The following EGFLAM variants were observed in gnomAD, a reference collection of about 807,000 sequenced individuals.
The protein encoded by EGFLAM is pikachurin.
EGFLAM carries 79 observed loss-of-function variants against 113.1 expected under a neutral mutation model. The observed-to-expected ratio is 0.70, with a 90% CI of 0.58 to 0.84. The LOEUF (loss-of-function observed/expected upper bound fraction) is 0.84. EGFLAM is among the 40% of genes least tolerant of loss of function. The pLI is 0.00. For synonymous variants in EGFLAM, 504 were observed against 487.6 expected (o/e 1.03, Z -0.44); for missense variants, 1,265 against 1,291.6 (o/e 0.98, Z 0.32).
intron 11 of EGFLAM, among the ~76,000 whole-genome samples, chr5:38,414,711 G>A (rs1003687309): frequency 3.9e-5 from 6 of 152,180 alleles, no homozygotes; most frequent in African/African-American, 1.4e-4. Context: ...ATTGATTGAA[G>A]GAGCAATGTT....
intron 6 of EGFLAM, among the ~76,000 whole-genome samples, chr5:38,397,045 T>G (rs1021111785): frequency 6.6e-6 from 1 of 152,218 alleles, no homozygotes; most frequent in African/African-American, 2.4e-5. Flanking sequence ...TGTGTGGATG[T>G]GCATAAAGAT....
chr5:38,287,809 G>T (rs1183257860), intron 1 of EGFLAM, among the ~76,000 whole-genome samples: 1 of 152,174 alleles, frequency 6.6e-6, no homozygotes, highest in Non-Finnish European at 1.5e-5. Flanking sequence ...TGCCCTAAGT[G>T]GGGCAATGAC....
intron 1 of EGFLAM, among the ~76,000 whole-genome samples, chr5:38,275,796 C>T (rs1437978495): frequency 6.6e-6 from 1 of 152,110 alleles, no homozygotes; most frequent in Non-Finnish European, 1.5e-5. Context: ...GAACATTCTT[C>T]AGGATACATT....
chr5:38,459,736 C>T (rs2112289986), intron 20 of EGFLAM, among the ~76,000 whole-genome samples: 1 of 151,776 alleles, frequency 6.6e-6, no homozygotes, highest in African/African-American at 2.4e-5. Context: ...GAGAGACTTG[C>T]TGGGCCCCCA....
chr5:38,264,122 C>T (rs956217601), intron 1 of EGFLAM, among the ~76,000 whole-genome samples: 2 of 152,188 alleles, frequency 1.3e-5, no homozygotes, highest in Non-Finnish European at 2.9e-5. Flanking sequence ...CCTGGGGTTG[C>T]TCTTTGTTTA....
At chr5:38,443,188 C>T (rs376729381) in intron 17 of EGFLAM, among the ~76,000 whole-genome samples, 1 of 152,288 alleles carries the variant, frequency 6.6e-6, no homozygotes, top group South Asian at 2.1e-4. Flanking sequence ...ATCACTTAAA[C>T]CCGGGAGGCA....
chr5:38,360,296 C>G (rs1424133012), intron 5 of EGFLAM, among the ~76,000 whole-genome samples: 1 of 152,112 alleles, frequency 6.6e-6, no homozygotes, highest in African/African-American at 2.4e-5. Context: ...AGGCTTATAC[C>G]CTGATTCATA....
At chr5:38,259,644 A>T (rs886905522) in intron 1 of EGFLAM, among the ~76,000 whole-genome samples, 1 of 152,238 alleles carries the variant, frequency 6.6e-6, no homozygotes, top group African/African-American at 2.4e-5. Context: ...CCAAATAACG[A>T]TTTTTATTAC....
At chr5:38,348,320 C>T (rs1444033513) in intron 3 of EGFLAM, among the ~76,000 whole-genome samples, 5 of 151,642 alleles carry the variant, frequency 3.3e-5, no homozygotes, top group Admixed American at 1.3e-4. Flanking sequence ...AGCAAGACTA[C>T]GAGGGAGAAG....
intron 1 of EGFLAM, among the ~76,000 whole-genome samples, chr5:38,316,076 C>CAAA (rs199596625): frequency 0.17 from 20,833 of 125,050 alleles, 1,757 homozygotes; most frequent in African/African-American, 0.22. Context: ...GACTCTGTCC[C>CAAA]AAAAAAAAAA....
chr5:38,424,684 G>A (rs1358598882), intron 12 of EGFLAM, among the ~76,000 whole-genome samples: 1 of 152,174 alleles, frequency 6.6e-6, no homozygotes, highest in African/African-American at 2.4e-5. Context: ...CCAGTTAGTG[G>A]TCATAAAATT....
chr5:38,445,595 G>A lies in EGFLAM; in HGVS notation c.2465-2706G>A, dbSNP rs1579942307. 5 of 1,597,888 alleles carry A rather than the reference G, an allele frequency of 3.1e-6. No individual in the cohort carries two copies. In the East Asian group the frequency reaches 6.7e-5, roughly 21 times the overall value. On this transcript the variant is annotated intron_variant, in intron 17 of 21. Coordinates refer to ENST00000322350, the MANE Select transcript of EGFLAM (RefSeq NM_152403.4). ...GAGAGAAACAAGGCTGGCTTCAAGT[G>A]ATCTGCAACCAGAGTAATTGGGATT...
intron 1 of EGFLAM, among the ~76,000 whole-genome samples, chr5:38,300,675 A>G (rs975191957): frequency 6.6e-6 from 1 of 152,114 alleles, no homozygotes; most frequent in African/African-American, 2.4e-5. Flanking sequence ...GCGCCCGGCC[A>G]TATTTTTCAT....
At chr5:38,260,352 G>T (rs757293501) in intron 1 of EGFLAM, among the ~76,000 whole-genome samples, 15 of 152,180 alleles carry the variant, frequency 9.9e-5, no homozygotes, top group Non-Finnish European at 1.9e-4. Context: ...TGTATGCAAT[G>T]CTTTTTAAAG....
intron 4 of EGFLAM, 35 bp from the exon 5 acceptor site, chr5:38,352,161 C>T: frequency 1.2e-6 from 2 of 1,613,202 alleles, no homozygotes; most frequent in Non-Finnish European, 8.5e-7. Context: ...CTGAGACCAC[C>T]AGCCTAGTCT....
intron 1 of EGFLAM, among the ~76,000 whole-genome samples, chr5:38,265,033 G>A (rs1757599420): frequency 1.3e-5 from 2 of 152,314 alleles, no homozygotes; most frequent in South Asian, 2.1e-4. Context: ...TCTGTGAGAG[G>A]TAAAGAGACA....
intron 1 of EGFLAM, among the ~76,000 whole-genome samples, chr5:38,336,177 T>C (rs574584906): frequency 3.9e-5 from 6 of 152,332 alleles, no homozygotes; most frequent in Non-Finnish European, 7.3e-5. Context: ...TGATTGTAAA[T>C]ATGCTATTTG....
intron 15 of EGFLAM, among the ~76,000 whole-genome samples, chr5:38,434,438 C>T (rs1384617221): frequency 1.3e-5 from 2 of 152,232 alleles, no homozygotes; most frequent in African/African-American, 4.8e-5. Context: ...CAGCACTTAA[C>T]ATAGTGGCTG....
chr5:38,352,065 A>G (rs1739641024), intron 4 of EGFLAM, 131 bp from the exon 5 acceptor site: 1 of 1,300,988 alleles, frequency 7.7e-7, no homozygotes, highest in African/African-American at 1.5e-5. Flanking sequence ...TTTTGGGTAT[A>G]GGAAGCACTC....
Sources: allele counts gnomAD v4.1 joint callset (sites outside exome capture counted in the v4.1 genomes callset), GRCh38; gene constraint gnomAD v4.1.1; transcripts MANE v1.5; gene names NCBI Gene and HGNC (gene_info 2026-07-23, HGNC 2026-07-21).